The following MPDZ variants were observed in gnomAD, a reference collection of about 807,000 sequenced individuals.
MPDZ encodes multiple PDZ domain protein.
MPDZ carries 234 observed loss-of-function variants against 239.1 expected under a neutral mutation model. The ratio of observed to expected loss-of-function variants is 0.98; its 90% CI spans 0.88 to 1.09. The LOEUF is 1.09. Among genes scored for constraint, MPDZ ranks in the 50% least tolerant of loss-of-function variants. The probability of loss-of-function intolerance (pLI) is 0.00; values close to 1 mark genes in which losing one functional copy is unlikely to be tolerated. For missense variants in MPDZ, 3,175 were observed against 2,510.0 expected, an observed-to-expected ratio of 1.26 and a Z score of -5.66; for synonymous variants, 1,048 against 881.3, an observed-to-expected ratio of 1.19 and a Z score of -3.35.
At chr9:13,211,517 A>C (rs1223490172) in intron 10 of MPDZ, among the ~76,000 whole-genome samples, 2 of 152,162 alleles carry the variant, frequency 1.3e-5, no homozygotes, top group Admixed American at 6.6e-5. Flanking sequence ...TCAAACTAAG[A>C]AATCTGTAGT....
chr9:13,210,736 A>G (rs746952153), intron 10 of MPDZ, among the ~76,000 whole-genome samples: 32 of 152,132 alleles, frequency 2.1e-4, no homozygotes, highest in Non-Finnish European at 4.3e-4. Flanking sequence ...GAGACAATCT[A>G]TGAAACAGAC....
At chr9:13,245,213 A>AT (rs1258592024) in intron 3 of MPDZ, among the ~76,000 whole-genome samples, 1 of 151,930 alleles carries the variant, frequency 6.6e-6, no homozygotes, top group Non-Finnish European at 1.5e-5. Context: ...GAGTACTTAT[A>AT]TTTAAATTTT....
intron 32 of MPDZ, 35 bp downstream of exon 32, chr9:13,133,789 T>C: frequency 7.0e-7 from 1 of 1,428,182 alleles, no homozygotes; most frequent in Non-Finnish European, 9.8e-7. Context: ...GTAAAGGAAC[T>C]CACATCATTT....
intron 21 of MPDZ, among the ~76,000 whole-genome samples, chr9:13,169,341 A>AT (rs1951491531): frequency 6.6e-6 from 1 of 151,678 alleles, no homozygotes; most frequent in Non-Finnish European, 1.5e-5. Context: ...TTATTTCTCC[A>AT]TTTTTCTTCC....
chr9:13,162,729 T>C lies in MPDZ; in HGVS notation c.3321A>G (p.Arg1107=). The change falls in exon 23 of 47, where the codon AGA becomes AGG. Residue 1107 remains arginine, a synonymous_variant. Coordinates refer to ENST00000319217, the MANE Select transcript of MPDZ (RefSeq NM_001378778.1). ...AAGAAAAAATATCCAGTGCCATTAC[T>C]CTTCCAGATTGTTGTCCCAAGCTTA... ...FKISLGQQSG[R]VMALDIFSSY... is the part of the protein sequence containing the mutation. The C allele has an allele frequency of 6.2e-7, 1 of 1,611,596 alleles. No individual in the cohort carries two copies. Among genetic ancestry groups the C allele is most frequent in the Non-Finnish European group, 8.5e-7 (1 of 1,178,544 alleles).
At chr9:13,259,702 T>C (rs891739646) in intron 1 of MPDZ, among the ~76,000 whole-genome samples, 1 of 152,108 alleles carries the variant, frequency 6.6e-6, no homozygotes, top group Non-Finnish European at 1.5e-5. Context: ...TTCTGAGCAC[T>C]GCATGTAGTT....
intron 32 of MPDZ, among the ~76,000 whole-genome samples, chr9:13,132,746 G>A (rs1024538369): frequency 1.3e-5 from 2 of 152,112 alleles, no homozygotes; most frequent in African/African-American, 2.4e-5. Flanking sequence ...CAATTATTAA[G>A]TCCATTTTCA....
rs76466251 is a variant in MPDZ, at chr9:13,183,351, G to T, written c.2649+67C>A. ...ATGTTATTCCCACAACTCCCCATAA[G>T]GACTGAGCTCTGGAAAATTACACAC... is the stretch of plus-strand genomic sequence containing the variant. On this transcript the variant is annotated intron_variant, in intron 19 of 46. Transcript: ENST00000319217. The T allele has an allele frequency of 5.9e-5, 77 of 1,315,102 alleles. No homozygotes were observed. In the East Asian group the frequency reaches 1.8e-3, roughly 30 times the overall value. 81.5% of individuals were successfully genotyped at this position (1,315,102 alleles called of 1,614,324 possible). A position where few individuals can be genotyped will look rare whatever the true frequency, so the allele number is the denominator to read the frequency against.
chr9:13,217,834 C>T (rs1009493992), intron 8 of MPDZ, among the ~76,000 whole-genome samples: 5 of 151,702 alleles, frequency 3.3e-5, no homozygotes, highest in Non-Finnish European at 2.9e-5. Context: ...TTCATTATTC[C>T]TCATAATTCC....
rs774415072 is a variant in MPDZ, at chr9:13,248,476, C to G, written c.17-675G>C. On this transcript the variant is annotated intron_variant, in intron 2 of 46. Coordinates refer to ENST00000319217, the MANE Select transcript of MPDZ (RefSeq NM_001378778.1). ...CCTACTAGTCCTAGTGTCTTACAAG[C>G]ATACTTACGCCAGACAGTTTCCACC... Among the ~76,000 whole-genome samples the G allele has an allele frequency of 8.6e-5, 13 of 152,044 alleles. 1 individual carries two copies. The highest frequency in any genetic ancestry group is 7.7e-4 in the East Asian group (4 of 5,166).
At chr9:13,138,373 G>A (rs1947152605) in intron 28 of MPDZ, among the ~76,000 whole-genome samples, 1 of 152,156 alleles carries the variant, frequency 6.6e-6, no homozygotes, top group Non-Finnish European at 1.5e-5. Context: ...GGTGCAGAGA[G>A]CACAATGTCT....
intron 20 of MPDZ, 65 bp downstream of exon 20, chr9:13,176,071 G>C (rs2134181341): frequency 2.0e-6 from 3 of 1,470,936 alleles, no homozygotes; most frequent in East Asian, 2.5e-5. Context: ...AGATTAGCCA[G>C]AATAACCTTA....
chr9:13,193,879 T>A (rs989943256), intron 13 of MPDZ, among the ~76,000 whole-genome samples: 73 of 152,222 alleles, frequency 4.8e-4, no homozygotes, highest in Non-Finnish European at 6.3e-4. Context: ...CGATCTACTT[T>A]ATCCCTTTTA....
Position 13,186,352 on chromosome 9 carries a change from T to A in MPDZ, c.2399A>T (p.Glu800Val). The A allele has an allele frequency of 6.3e-7, 1 of 1,588,392 alleles. No homozygotes were observed. The highest frequency in any genetic ancestry group is 2.3e-5 in the East Asian group (1 of 43,676). ...SPEEGYVSAK[E>V]DSFLYPPHSC... ...GTGTGGTGGGTAGAGAAAGGAATCC[T>A]CCTTAGCAGAAACATAACCTTCTTC... Residue 800 changes from glutamate to valine, a missense_variant, in exon 18 of 47, where the codon GAG (glutamate) becomes GTG (valine). Glu to Val is a moderately radical substitution (Grantham distance 121). Transcript: ENST00000319217.
At chr9:13,136,330 T>TTTTTTTTTTTTTTTTTTTTG (rs1946772785) in intron 30 of MPDZ, 148 bp from the exon 31 acceptor site, 1 of 435,444 alleles carries the variant, frequency 2.3e-6, no homozygotes, top group Non-Finnish European at 3.9e-6. Flanking sequence ...GTTTTCTTTT[T>TTTTTTTTTTTTTTTTTTTTG]TTTTTTTTTT....
intron 15 of MPDZ, 56 bp downstream of exon 15, chr9:13,192,075 C>T (rs1955002174): frequency 1.8e-5 from 25 of 1,364,846 alleles, no homozygotes; most frequent in East Asian, 2.6e-5. Context: ...AAATTTTAAG[C>T]CATTTAGCCT....
In MPDZ at chr9:13,107,047, C is replaced by T. The variant is rs760036444; in HGVS notation, c.6131G>A (p.Ser2044Asn). The T allele has an allele frequency of 3.1e-6, 5 of 1,611,370 alleles. No individual in the cohort carries two copies. Among genetic ancestry groups the T allele is most frequent in the East Asian group, 4.5e-5 (2 of 44,860 alleles). The change falls in exon 47 of 47, where the codon AGT becomes AAT. Residue 2044 changes from serine (S) to asparagine (N), a missense_variant. Physicochemically the swap from Ser to Asn is conservative, Grantham distance 46. Coordinates refer to ENST00000319217, the MANE Select transcript of MPDZ (RefSeq NM_001378778.1). ...TTCTTCATGGGTGACTCCTTCTAGA[C>T]TCTGCCCATTGACAGCAATGATCTG... Reference protein sequence around the residue: ...GDQIIAVNGQSLEGVTHEEAV... With the variant: ...GDQIIAVNGQNLEGVTHEEAV...
At chr9:13,158,382 TAAAGG>T (rs1950080654) in intron 23 of MPDZ, among the ~76,000 whole-genome samples, 1 of 152,008 alleles carries the variant, frequency 6.6e-6, no homozygotes, top group African/African-American at 2.4e-5. Flanking sequence ...CATAGGAGCA[TAAAGG>T]AAAGGAATGG....
At chr9:13,265,849 T>C (rs1000408780) in intron 1 of MPDZ, among the ~76,000 whole-genome samples, 3 of 152,110 alleles carry the variant, frequency 2.0e-5, no homozygotes, top group Non-Finnish European at 2.9e-5. Context: ...ATATTTCCAA[T>C]ACAGACAAAA....
Sources: allele counts gnomAD v4.1 joint callset (sites outside exome capture counted in the v4.1 genomes callset), GRCh38; gene constraint gnomAD v4.1.1; transcripts MANE v1.5; gene names NCBI Gene and HGNC (gene_info 2026-07-23, HGNC 2026-07-21).